NFKB1: variants seen among roughly 807,000 people sequenced by gnomAD.
NFKB1 encodes nuclear factor kappa B subunit 1, also known as nuclear factor NF-kappa-B p105 subunit.
Under a neutral mutation model 105.1 loss-of-function variants are expected in NFKB1, and 9 were observed. The observed-to-expected ratio is 0.09, with a 90% CI of 0.05 to 0.15. NFKB1 has a LOEUF of 0.15. Among genes scored for constraint, NFKB1 ranks in the 10% least tolerant of loss-of-function variants. The pLI is 1.00. For synonymous variants in NFKB1, 440 were observed against 442.2 expected (o/e 1.00, Z 0.06); for missense variants, 830 against 1,203.7 (o/e 0.69, Z 4.59).
At chr4:102,522,819 G>T (rs1161399607) in intron 1 of NFKB1, among the ~76,000 whole-genome samples, 1 of 152,174 alleles carries the variant, frequency 6.6e-6, no homozygotes, top group Admixed American at 6.5e-5. Context: ...TTGAGCTTCT[G>T]TGGTATTCTA....
chr4:102,561,878 T>A (rs1298065291), intron 5 of NFKB1, among the ~76,000 whole-genome samples: 1 of 152,206 alleles, frequency 6.6e-6, no homozygotes, highest in East Asian at 1.9e-4. Flanking sequence ...CCTGTCTTCA[T>A]ATTGCGCTAG....
chr4:102,606,770 T>C, intron 17 of NFKB1, 73 bp downstream of exon 17: 1 of 1,466,742 alleles, frequency 6.8e-7, no homozygotes, highest in Non-Finnish European at 9.3e-7. Flanking sequence ...TTGATAAACG[T>C]GTGTTATTTG....
intron 15 of NFKB1, among the ~76,000 whole-genome samples, chr4:102,599,871 T>C (rs998827556): frequency 2.6e-5 from 4 of 152,214 alleles, no homozygotes; most frequent in African/African-American, 7.2e-5. Flanking sequence ...ATGATTGTTA[T>C]TGTTATTGTT....
Position 102,600,877 on chromosome 4 carries a change from A to G in NFKB1, c.1638-18A>G. The stretch of plus-strand genomic sequence containing the variant: ...ATTAACATTTTAGTTAATTATTGCC[A>G]CTGTGTTTTCATTCCAGTGTCTTAC... On this transcript the variant is annotated intron_variant, in intron 15 of 23. Coordinates refer to ENST00000226574, the MANE Select transcript of NFKB1 (RefSeq NM_003998.4). The G allele has an allele frequency of 7.5e-7, 1 of 1,337,120 alleles. No homozygotes were observed. The allele number at this position is 1,337,120 out of a possible 1,614,324, so 82.8% of individuals were successfully genotyped here. A position where few individuals can be genotyped will look rare whatever the true frequency, so the allele number is the denominator to read the frequency against.
chr4:102,540,372 C>A (rs189851492), intron 5 of NFKB1, among the ~76,000 whole-genome samples: 2 of 152,166 alleles, frequency 1.3e-5, no homozygotes, highest in African/African-American at 2.4e-5. Flanking sequence ...ATTGCTGCCT[C>A]AGTCACAAAA....
chr4:102,610,545 T>C, intron 19 of NFKB1, 30 bp from the exon 20 acceptor site: 1 of 1,607,448 alleles, frequency 6.2e-7, no homozygotes, highest in Non-Finnish European at 8.5e-7. Context: ...GATCTGGGTT[T>C]ACCTAATGCT....
chr4:102,546,506 T>C (rs1373639091), intron 5 of NFKB1, among the ~76,000 whole-genome samples: 1 of 151,942 alleles, frequency 6.6e-6, no homozygotes, highest in African/African-American at 2.4e-5. Flanking sequence ...AGAAAAAAAA[T>C]ATAACATTTT....
intron 5 of NFKB1, among the ~76,000 whole-genome samples, chr4:102,548,768 A>G (rs1484615865): frequency 6.6e-6 from 1 of 151,996 alleles, no homozygotes; most frequent in Non-Finnish European, 1.5e-5. Flanking sequence ...GCATCATTCC[A>G]ATTTCTGTCT....
chr4:102,560,177 A>C (rs907954798), intron 5 of NFKB1, among the ~76,000 whole-genome samples: 7 of 152,242 alleles, frequency 4.6e-5, no homozygotes, highest in Non-Finnish European at 8.8e-5. Flanking sequence ...TAATTTGCTA[A>C]TGATGGAATG....
intron 11 of NFKB1, among the ~76,000 whole-genome samples, chr4:102,588,298 C>G (rs7667496): frequency 6.6e-6 from 1 of 151,800 alleles, no homozygotes; most frequent in Admixed American, 6.6e-5. Flanking sequence ...AGAACCAGCC[C>G]GGAGCTTTGC....
At chr4:102,578,781 T>G (rs962514184) in intron 7 of NFKB1, 100 bp from the exon 8 acceptor site, 1 of 1,283,134 alleles carries the variant, frequency 7.8e-7, no homozygotes, top group Non-Finnish European at 1.1e-6. Context: ...GAAAAATGGG[T>G]TTTTATTGTA....
At chr4:102,507,454 ATTTATTT>A (rs1739495403) in intron 1 of NFKB1, among the ~76,000 whole-genome samples, 1 of 149,434 alleles carries the variant, frequency 6.7e-6, no homozygotes. Flanking sequence ...TTTTTTTGTA[ATTTATTT>A]TTTATTTTTT....
chr4:102,535,737 C>T (rs931888775), intron 4 of NFKB1, among the ~76,000 whole-genome samples: 1 of 152,100 alleles, frequency 6.6e-6, no homozygotes, highest in Non-Finnish European at 1.5e-5. Flanking sequence ...GATTTAGATA[C>T]TCGTATGTAA....
intron 4 of NFKB1, among the ~76,000 whole-genome samples, chr4:102,534,236 A>G (rs941362545): frequency 1.3e-5 from 2 of 152,222 alleles, no homozygotes; most frequent in African/African-American, 4.8e-5. Context: ...ATACGTATGC[A>G]TACAGTTCAC....
At chr4:102,560,775 A>C (rs1038158714) in intron 5 of NFKB1, among the ~76,000 whole-genome samples, 1 of 152,176 alleles carries the variant, frequency 6.6e-6, no homozygotes. Context: ...AATAGGGGTA[A>C]TAGAGTCAAC....
At chr4:102,505,326 G>A (rs550572996) in intron 1 of NFKB1, among the ~76,000 whole-genome samples, 1 of 152,072 alleles carries the variant, frequency 6.6e-6, no homozygotes, top group Non-Finnish European at 1.5e-5. Flanking sequence ...TTAATTTAGA[G>A]TACTAATAAT....
chr4:102,605,175 GAGA>G (rs1392691454), intron 16 of NFKB1, among the ~76,000 whole-genome samples: 4 of 151,936 alleles, frequency 2.6e-5, no homozygotes, highest in African/African-American at 9.7e-5. Context: ...ACTTATTTTT[GAGA>G]AGAAGGCTCT....
chr4:102,567,695 A>G (rs746900796), intron 6 of NFKB1, among the ~76,000 whole-genome samples: 15 of 152,248 alleles, frequency 9.9e-5, no homozygotes, highest in Non-Finnish European at 2.1e-4. Context: ...TGAAATGTAA[A>G]TAAAAAATGA....
intron 10 of NFKB1, among the ~76,000 whole-genome samples, 196 bp from the exon 11 acceptor site, chr4:102,584,486 G>A (rs1010125231): frequency 6.6e-6 from 1 of 152,220 alleles, no homozygotes; most frequent in African/African-American, 2.4e-5. Context: ...TGATTTTACA[G>A]TAGCAATTTC....
Sources: allele counts gnomAD v4.1 joint callset (sites outside exome capture counted in the v4.1 genomes callset), GRCh38; gene constraint gnomAD v4.1.1; transcripts MANE v1.5; gene names NCBI Gene and HGNC (gene_info 2026-07-23, HGNC 2026-07-21).